Variants in EPHA5 observed in about 807,000 individuals in gnomAD.
The protein encoded by EPHA5 is ephrin type-A receptor 5.
In EPHA5, 60 loss-of-function variants were observed where a neutral mutation model predicts 105.0. The observed-to-expected ratio is 0.57, with a 90% confidence interval of 0.46 to 0.71. The LOEUF is 0.71. Ranked by LOEUF, EPHA5 falls within the 30% of genes least tolerant of loss-of-function variation. The pLI, the probability that EPHA5 is intolerant of heterozygous loss-of-function variation, is 0.00. For missense variants in EPHA5, 1,218 were observed against 1,274.7 expected, an observed-to-expected ratio of 0.96 and a Z score of 0.68; for synonymous variants, 513 against 449.1, an observed-to-expected ratio of 1.14 and a Z score of -1.80.
chr4:65,395,130 G>A (rs746564403), intron 8 of EPHA5, among the ~76,000 whole-genome samples: 1 of 152,176 alleles, frequency 6.6e-6, no homozygotes, highest in African/African-American at 2.4e-5. Context: ...CATAAGAACT[G>A]TGCCAGGCAT....
In EPHA5 at chr4:65,412,392, T is replaced by C. The variant is rs1041342904; in HGVS notation, c.1687+1892A>G. On this transcript the variant is annotated intron_variant, in intron 7 of 16. Transcript: ENST00000613740. The stretch of plus-strand genomic sequence containing the variant: ...GGGCCTAGCAAAGCCTAATATGTTA[T>C]AGGTGTTCAATAAACTATTGTTGTT... Among the ~76,000 whole-genome samples the C allele has an allele frequency of 2.0e-5, 3 of 152,312 alleles. 1 individual carries two copies. Among genetic ancestry groups the C allele is most frequent in the Middle Eastern group, 6.8e-3 (2 of 294 alleles).
intron 5 of EPHA5, among the ~76,000 whole-genome samples, chr4:65,487,268 C>A (rs540330074): frequency 2.0e-5 from 3 of 152,298 alleles, no homozygotes; most frequent in South Asian, 2.1e-4. Flanking sequence ...CCTTTAACCT[C>A]CAAGCTGCCC....
intron 5 of EPHA5, among the ~76,000 whole-genome samples, chr4:65,474,007 C>G (rs1004512945): frequency 2.0e-5 from 3 of 149,266 alleles, no homozygotes; most frequent in African/African-American, 7.4e-5. Flanking sequence ...ACATCACACA[C>G]CGGGGCCTGT....
At chr4:65,325,500 AC>A (rs1425904198) in intron 16 of EPHA5, among the ~76,000 whole-genome samples, 31 of 151,354 alleles carry the variant, frequency 2.0e-4, no homozygotes, top group African/African-American at 7.5e-4. Context: ...TGTGATGGAA[AC>A]ATATTTGTTT....
chr4:65,641,623 G>A (rs1747676153), intron 2 of EPHA5, among the ~76,000 whole-genome samples: 1 of 151,834 alleles, frequency 6.6e-6, no homozygotes, highest in Non-Finnish European at 1.5e-5. Context: ...TTGCATTCGA[G>A]TGATACAATA....
chr4:65,360,668 T>C (rs1452638621), intron 11 of EPHA5, among the ~76,000 whole-genome samples: 1 of 151,570 alleles, frequency 6.6e-6, no homozygotes, highest in Non-Finnish European at 1.5e-5. Flanking sequence ...GTATGCAAGA[T>C]CTGATTTTCA....
chr4:65,639,178 A>G (rs1747419923), intron 2 of EPHA5, among the ~76,000 whole-genome samples: 1 of 152,228 alleles, frequency 6.6e-6, no homozygotes, highest in African/African-American at 2.4e-5. Flanking sequence ...AGACAGAATA[A>G]AAGGAAAATA....
chr4:65,531,422 C>G (rs1469896350), intron 3 of EPHA5, among the ~76,000 whole-genome samples: 3 of 152,136 alleles, frequency 2.0e-5, no homozygotes, highest in East Asian at 1.9e-4. Context: ...AGGGCTAGAA[C>G]AGGAGTTTCT....
Position 65,449,374 on chromosome 4 carries a change from T to C in EPHA5, c.1403-28809A>G, listed in dbSNP as rs367905573. On this transcript the variant is annotated intron_variant, in intron 5 of 16. Transcript: ENST00000613740. ...CTTTTGCACTGACTTACATTTTTTA[T>C]AGTACACATTTGTACACTTTGGTGG... is the stretch of plus-strand genomic sequence containing the variant. 2.0e-5 allele frequency among the ~76,000 whole-genome samples: 3 copies of C among 152,318 alleles called. No homozygotes were observed. In the East Asian group the frequency reaches 5.8e-4, roughly 29 times the overall value.
At chr4:65,332,508 C>A (rs1720722334) in intron 15 of EPHA5, among the ~76,000 whole-genome samples, 1 of 150,558 alleles carries the variant, frequency 6.6e-6, no homozygotes, top group African/African-American at 2.4e-5. Flanking sequence ...AAAATGTACA[C>A]AACCAACAGT....
intron 3 of EPHA5, among the ~76,000 whole-genome samples, chr4:65,555,043 T>C (rs1195253906): frequency 6.6e-6 from 1 of 150,536 alleles, no homozygotes; most frequent in Non-Finnish European, 1.5e-5. Context: ...TAAGGAAGTT[T>C]TGTCTTCTAC....
rs1719557386 is a variant in EPHA5, at chr4:65,320,503, TAATACATCTAATA to T, written c.*3598_*3610del. 4.4e-6 allele frequency: 1 copy of T among 229,210 alleles called. No homozygotes were observed. The highest frequency in any genetic ancestry group is 2.2e-5 in the African/African-American group (1 of 45,052). The allele number at this position is 229,210 out of a possible 1,614,324, so 14.2% of individuals were successfully genotyped here. On this transcript the variant is annotated 3_prime_UTR_variant, in exon 17 of 17. Transcript: ENST00000613740. ...AGGGACCTTATTCTACTATGTAATATAATACATCTAATAAATTTCTAACACCTGACTCAAATAG... is the reference window on the plus strand; with the variant it reads ...AGGGACCTTATTCTACTATGTAATATAATTTCTAACACCTGACTCAAATAG...
chr4:65,404,312 G>C lies in EPHA5; in HGVS notation c.1793+62C>G. Reference sequence around the variant, plus strand: ...TTGGGATGTGCTCAACAGCCAAATGGTCAGATCAAGGTGAGGAAGAGATCA... The same window carrying C: ...TTGGGATGTGCTCAACAGCCAAATGCTCAGATCAAGGTGAGGAAGAGATCA... On this transcript the variant is annotated intron_variant, in intron 8 of 16. Transcript: ENST00000613740. 4 of 1,409,438 alleles carry C rather than the reference G, an allele frequency of 2.8e-6. No homozygotes were observed. The Admixed American group carries it at 6.8e-5, about 24-fold the overall frequency. 87.3% of individuals were successfully genotyped at this position (1,409,438 alleles called of 1,614,324 possible).
chr4:65,499,636 C>T (rs1262287345), intron 3 of EPHA5, among the ~76,000 whole-genome samples: 1 of 151,354 alleles, frequency 6.6e-6, no homozygotes. Context: ...ATTTTCATTA[C>T]AAAATGCTAG....
intron 3 of EPHA5, among the ~76,000 whole-genome samples, chr4:65,535,977 T>G (rs1358134560): frequency 6.6e-6 from 1 of 152,046 alleles, no homozygotes; most frequent in Non-Finnish European, 1.5e-5. Context: ...TATACATTTT[T>G]AATGTACATT....
At chr4:65,526,455 A>T (rs1447936467) in intron 3 of EPHA5, among the ~76,000 whole-genome samples, 2 of 151,656 alleles carry the variant, frequency 1.3e-5, no homozygotes, top group Non-Finnish European at 2.9e-5. Context: ...ATCTGTCTTT[A>T]CAAAAAATTA....
intron 11 of EPHA5, among the ~76,000 whole-genome samples, chr4:65,356,270 T>C (rs1289176474): frequency 6.6e-6 from 1 of 151,478 alleles, no homozygotes; most frequent in Non-Finnish European, 1.5e-5. Flanking sequence ...TAGGATCTCT[T>C]TTTAGAGTTA....
rs531561088 is a variant in EPHA5 at position 65,477,928 on chromosome 4, T to C, written c.1402+12449A>G. ...AGGCCCTGACGTGCTTTTTTGGAAATGAGGTGAGTCTCTGGCAAGACTCTA... is the reference window on the plus strand; with the variant it reads ...AGGCCCTGACGTGCTTTTTTGGAAACGAGGTGAGTCTCTGGCAAGACTCTA... On this transcript the variant is annotated intron_variant, in intron 5 of 16. Transcript: ENST00000613740. 1.4e-3 allele frequency among the ~76,000 whole-genome samples: 217 copies of C among 152,242 alleles called. 1 individual carries two copies. Among genetic ancestry groups the C allele is most frequent in the Non-Finnish European group, 2.5e-3 (168 of 68,030 alleles).
chr4:65,381,633 T>A (rs1363469104), intron 8 of EPHA5, among the ~76,000 whole-genome samples: 1 of 151,856 alleles, frequency 6.6e-6, no homozygotes, highest in Non-Finnish European at 1.5e-5. Flanking sequence ...GTTTTATACA[T>A]TCCTTAAAAT....
Sources: allele counts gnomAD v4.1 joint callset (sites outside exome capture counted in the v4.1 genomes callset), GRCh38; gene constraint gnomAD v4.1.1; transcripts MANE v1.5; gene names NCBI Gene and HGNC (gene_info 2026-07-23, HGNC 2026-07-21).